PDZD2: variants seen among roughly 807,000 people sequenced by gnomAD.
PDZD2 encodes PDZ domain containing 2.
In PDZD2, 90 loss-of-function variants were observed where a neutral mutation model predicts 220.7. That is an observed-to-expected ratio of 0.41 (90% CI 0.34 to 0.49). The LOEUF (loss-of-function observed/expected upper bound fraction) is 0.49. PDZD2 is among the 20% of genes least tolerant of loss of function. PDZD2 has a pLI of 0.28. For synonymous variants in PDZD2, 1,375 were observed against 1,450.5 expected, an observed-to-expected ratio of 0.95 and a Z score of 1.18; for missense variants, 3,174 against 3,608.5, an observed-to-expected ratio of 0.88 and a Z score of 3.08.
intron 10 of PDZD2, among the ~76,000 whole-genome samples, chr5:32,055,954 A>C (rs1342027702): frequency 1.3e-5 from 2 of 152,212 alleles, no homozygotes; most frequent in East Asian, 3.8e-4. Context: ...AAAACGGGGA[A>C]AAAAAATCAA....
intron 1 of PDZD2, among the ~76,000 whole-genome samples, chr5:31,792,384 T>G (rs143005926): frequency 6.6e-6 from 1 of 152,300 alleles, no homozygotes; most frequent in East Asian, 1.9e-4. Context: ...ACCTTGGGTA[T>G]GTTAGTTCGC....
intron 1 of PDZD2, among the ~76,000 whole-genome samples, chr5:31,736,308 G>A (rs972731103): frequency 3.0e-4 from 46 of 152,268 alleles, no homozygotes; most frequent in African/African-American, 1.0e-3. Context: ...TGGGTGCTAC[G>A]GCAGTGTATG....
intron 2 of PDZD2, among the ~76,000 whole-genome samples, chr5:31,805,349 TC>T (rs1754654444): frequency 2.0e-5 from 3 of 152,204 alleles, no homozygotes; most frequent in Non-Finnish European, 4.4e-5. Flanking sequence ...TCCTTTTCAG[TC>T]TTTGTGACTG....
At chr5:31,694,168 A>T (rs1363556897) in intron 1 of PDZD2, among the ~76,000 whole-genome samples, 1 of 152,178 alleles carries the variant, frequency 6.6e-6, no homozygotes, top group Non-Finnish European at 1.5e-5. Context: ...TGGTGGGCAG[A>T]TCACTTGAGG....
intron 2 of PDZD2, among the ~76,000 whole-genome samples, chr5:31,941,802 T>C (rs1746237059): frequency 1.3e-5 from 2 of 152,348 alleles, no homozygotes; most frequent in Admixed American, 1.3e-4. Flanking sequence ...TAACTTCTCA[T>C]CTTAAAAGTG....
At chr5:32,102,079 C>T (rs142950294) in intron 24 of PDZD2, among the ~76,000 whole-genome samples, 1 of 152,202 alleles carries the variant, frequency 6.6e-6, no homozygotes, top group Non-Finnish European at 1.5e-5. Flanking sequence ...AATCCCAAAA[C>T]CTCTCTCCAC....
chr5:31,905,975 G>A (rs1742602699), intron 2 of PDZD2, among the ~76,000 whole-genome samples: 1 of 151,300 alleles, frequency 6.6e-6, no homozygotes, highest in Non-Finnish European at 1.5e-5. Context: ...GTGTGTATGT[G>A]TTGCTAAGAG....
chr5:31,970,774 A>C (rs148897893), intron 2 of PDZD2, among the ~76,000 whole-genome samples: 1 of 152,240 alleles, frequency 6.6e-6, no homozygotes, highest in Non-Finnish European at 1.5e-5. Context: ...TTGGCAGTAC[A>C]TATGAAAGAA....
At chr5:31,740,524 CAAAAAAAAAAAAAAAAA>C (rs58965956) in intron 1 of PDZD2, among the ~76,000 whole-genome samples, 48 of 60,060 alleles carry the variant, frequency 8.0e-4, no homozygotes, top group Non-Finnish European at 1.2e-3. Context: ...GACTCCGTCT[CAAAAAAAAAAAAAAAAA>C]AAAAAAAAAA....
intron 1 of PDZD2, among the ~76,000 whole-genome samples, chr5:31,727,304 GC>G (rs1380822161): frequency 1.3e-5 from 2 of 152,184 alleles, no homozygotes; most frequent in Non-Finnish European, 2.9e-5. Flanking sequence ...TTGGTGAGAT[GC>G]CTTTTGGGCC....
At chr5:31,984,409 G>T (rs1750548354) in intron 3 of PDZD2, among the ~76,000 whole-genome samples, 1 of 152,170 alleles carries the variant, frequency 6.6e-6, no homozygotes, top group South Asian at 2.1e-4. Context: ...TTCATTCCAA[G>T]AATCTTCTTA....
intron 1 of PDZD2, among the ~76,000 whole-genome samples, chr5:31,767,716 C>A (rs1752109908): frequency 6.6e-6 from 1 of 152,186 alleles, no homozygotes; most frequent in Non-Finnish European, 1.5e-5. Context: ...ATGGGGCCTG[C>A]AGACTTGAAG....
chr5:31,684,692 C>T (rs977025224), intron 1 of PDZD2, among the ~76,000 whole-genome samples: 1 of 152,134 alleles, frequency 6.6e-6, no homozygotes. Context: ...TATAATCTAG[C>T]CCCTGCCTAT....
intron 2 of PDZD2, among the ~76,000 whole-genome samples, chr5:31,871,377 C>T (rs1398018009): frequency 6.6e-6 from 1 of 152,132 alleles, no homozygotes; most frequent in Non-Finnish European, 1.5e-5. Flanking sequence ...ATAGAAAGTG[C>T]ATGTCAAGAA....
chr5:31,699,940 TAA>T (rs1182959774), intron 1 of PDZD2, among the ~76,000 whole-genome samples: 1 of 152,146 alleles, frequency 6.6e-6, no homozygotes, highest in African/African-American at 2.4e-5. Context: ...GAGATTTAAC[TAA>T]AGAGTCTGAA....
intron 2 of PDZD2, among the ~76,000 whole-genome samples, chr5:31,872,766 A>G (rs1738937898): frequency 6.6e-6 from 1 of 152,082 alleles, no homozygotes; most frequent in South Asian, 2.1e-4. Flanking sequence ...ACAGACATAT[A>G]TCTACATACG....
intron 2 of PDZD2, among the ~76,000 whole-genome samples, chr5:31,848,601 C>T (rs1757731193): frequency 1.6e-5 from 2 of 121,662 alleles, no homozygotes; most frequent in Admixed American, 1.6e-4. Flanking sequence ...ATACAAAAAC[C>T]AGCCAGGTGT....
At chr5:31,960,310 A>G (rs1319252400) in intron 2 of PDZD2, among the ~76,000 whole-genome samples, 1 of 151,494 alleles carries the variant, frequency 6.6e-6, no homozygotes, top group Non-Finnish European at 1.5e-5. Flanking sequence ...TCCACCCCCC[A>G]GGTTCAAGAA....
At chr5:31,898,384 A>G (rs1032828907) in intron 2 of PDZD2, among the ~76,000 whole-genome samples, 4 of 152,258 alleles carry the variant, frequency 2.6e-5, no homozygotes, top group Admixed American at 6.5e-5. Flanking sequence ...CGGACAAAGG[A>G]CAAGAGATGG....
Sources: gnomAD v4.1 joint callset for allele counts (sites outside exome capture counted in the v4.1 genomes callset) on GRCh38, gnomAD v4.1.1 for gene constraint, MANE v1.5 for transcripts, NCBI Gene and HGNC (gene_info 2026-07-23, HGNC 2026-07-21) for gene names.